The following RPS6KA2 variants were observed in gnomAD, a reference collection of about 807,000 sequenced individuals.
The protein encoded by RPS6KA2 is ribosomal protein S6 kinase A2, also known as ribosomal protein S6 kinase alpha-2.
Under a neutral mutation model 91.8 loss-of-function variants are expected in RPS6KA2, and 42 were observed. The observed-to-expected ratio is 0.46, with a 90% CI of 0.36 to 0.59. The LOEUF (loss-of-function observed/expected upper bound fraction) is 0.59, where lower values mean the gene tolerates loss of function less well. Among genes scored for constraint, RPS6KA2 ranks in the 20% least tolerant of loss-of-function variants. The pLI, the probability that RPS6KA2 is intolerant of heterozygous loss-of-function variation, is 0.00. For synonymous variants in RPS6KA2, 414 were observed against 393.6 expected, an observed-to-expected ratio of 1.05 and a Z score of -0.61; for missense variants, 798 against 978.5, an observed-to-expected ratio of 0.82 and a Z score of 2.46.
At chr6:166,687,437 G>C (rs141008186) in intron 2 of RPS6KA2, among the ~76,000 whole-genome samples, 1 of 152,352 alleles carries the variant, frequency 6.6e-6, no homozygotes, top group Non-Finnish European at 1.5e-5. Flanking sequence ...CTGCCTGTGA[G>C]CGTGGCCTTG....
In RPS6KA2 at chr6:166,430,516, C is replaced by T. The variant is rs1159796495; in HGVS notation, c.1518G>A (p.Glu506=). The change falls in exon 16 of 21, where the codon GAG becomes GAA. Residue 506 remains glutamate, a synonymous_variant. Coordinates refer to ENST00000265678, the MANE Select transcript of RPS6KA2 (RefSeq NM_021135.6). ...DRILRQRYFS[E]REASDVLCTI... is the part of the protein sequence containing the mutation. Reference sequence around the variant, plus strand: ...TGCACAGGACGTCACTGGCTTCGCGCTCCGAGAAGTATCTCTGCCGGAGGA... The same window carrying T: ...TGCACAGGACGTCACTGGCTTCGCGTTCCGAGAAGTATCTCTGCCGGAGGA... 1 of 1,614,168 alleles carries T rather than the reference C, an allele frequency of 6.2e-7. No homozygotes were observed. The highest frequency in any genetic ancestry group is 1.7e-5 in the Admixed American group (1 of 60,024).
Position 166,626,778 on chromosome 6 carries a change from G to C in RPS6KA2, c.99+143C>G. 1 of 665,438 alleles carries C rather than the reference G, an allele frequency of 1.5e-6. No homozygotes were observed. Among genetic ancestry groups the C allele is most frequent in the Non-Finnish European group, 2.2e-6 (1 of 462,012 alleles). The allele number at this position is 665,438 out of a possible 1,614,324, so 41.2% of individuals were successfully genotyped here. On this transcript the variant is annotated intron_variant, in intron 1 of 20. Transcript: ENST00000265678. This position sits in a 1 kb window ranked among gnomAD's most constrained non-coding sequence, Gnocchi z 4.1. ...GATAACGTTTGGAGCCGTTTGGTTCGATTTTCGGAACCGGACCAGCTTTCC... is the reference window on the plus strand; with the variant it reads ...GATAACGTTTGGAGCCGTTTGGTTCCATTTTCGGAACCGGACCAGCTTTCC...
intron 2 of RPS6KA2, among the ~76,000 whole-genome samples, chr6:166,698,799 G>T (rs1789426940): frequency 6.6e-6 from 1 of 152,224 alleles, no homozygotes; most frequent in African/African-American, 2.4e-5. Flanking sequence ...CATCTGCACT[G>T]TGGCTTTTTA....
At chr6:166,552,848 A>G (rs1207826003) in intron 1 of RPS6KA2, among the ~76,000 whole-genome samples, 1 of 152,232 alleles carries the variant, frequency 6.6e-6, no homozygotes, top group Non-Finnish European at 1.5e-5. Context: ...GTGGCATAGC[A>G]GGGATGGGCC....
intron 1 of RPS6KA2, among the ~76,000 whole-genome samples, chr6:166,561,078 G>A (rs898165636): frequency 2.0e-5 from 3 of 152,072 alleles, no homozygotes; most frequent in Non-Finnish European, 2.9e-5. Flanking sequence ...AAAAAACTCA[G>A]GGCTGTTTCC....
At chr6:166,773,187 G>A (rs940528057) in intron 2 of RPS6KA2, among the ~76,000 whole-genome samples, 6 of 152,068 alleles carry the variant, frequency 3.9e-5, no homozygotes, top group South Asian at 4.1e-4. Flanking sequence ...CTCCCCTTAC[G>A]GATCCCATCT....
intron 1 of RPS6KA2, among the ~76,000 whole-genome samples, chr6:166,596,076 T>G (rs572231769): frequency 1.3e-5 from 2 of 152,228 alleles, no homozygotes; most frequent in African/African-American, 4.8e-5. Context: ...AATATGTGAC[T>G]TGCACTGTGA....
intron 2 of RPS6KA2, among the ~76,000 whole-genome samples, chr6:166,647,978 GCTCACACACACGCAC>G (rs1787694943): frequency 1.4e-5 from 1 of 72,698 alleles, no homozygotes; most frequent in African/African-American, 6.8e-5. Flanking sequence ...ATACACACAT[GCTCACACACACGCAC>G]ATGCTCACAC....
chr6:166,783,890 C>T (rs1778852584), intron 2 of RPS6KA2, among the ~76,000 whole-genome samples: 2 of 87,318 alleles, frequency 2.3e-5, no homozygotes, highest in Non-Finnish European at 4.6e-5. Context: ...ACCACATATG[C>T]ACACGTGCAC....
At position 166,501,691 on chromosome 6, in the gene RPS6KA2, G is replaced by A. The variant is rs116697779; in HGVS notation, c.567-767C>T. Among the ~76,000 whole-genome samples the A allele has an allele frequency of 6.4e-3, 980 of 152,314 alleles. 13 individuals are homozygous for A. Among genetic ancestry groups the A allele is most frequent in the African/African-American group, 0.023 (944 of 41,574 alleles). On this transcript the variant is annotated intron_variant, in intron 6 of 20. Coordinates refer to ENST00000265678, the MANE Select transcript of RPS6KA2 (RefSeq NM_021135.6). ...ATCCCTTCTTCCCTGAACATCAGGC[G>A]GGAGTCTGGGCTGTGATACCTTGAC...
chr6:166,738,190 T>A (rs981246319), intron 2 of RPS6KA2, among the ~76,000 whole-genome samples: 5 of 152,230 alleles, frequency 3.3e-5, no homozygotes, highest in African/African-American at 1.2e-4. Context: ...TTATCTCCAG[T>A]TCATTATTAT....
intron 2 of RPS6KA2, among the ~76,000 whole-genome samples, chr6:166,742,563 G>A (rs916823434): frequency 2.6e-5 from 4 of 152,160 alleles, no homozygotes; most frequent in Non-Finnish European, 4.4e-5. Context: ...AGCTCTCCCT[G>A]CGGTGGCCAC....
At chr6:166,824,340 C>A (rs1435244126) in intron 2 of RPS6KA2, among the ~76,000 whole-genome samples, 1 of 152,206 alleles carries the variant, frequency 6.6e-6, no homozygotes, top group Non-Finnish European at 1.5e-5. Flanking sequence ...CCGTGTGGGG[C>A]GACTCTCCAG....
At position 166,639,547 on chromosome 6, in the gene RPS6KA2, G is replaced by A. The variant is rs1410154315; in HGVS notation, c.124-100763C>T. ...AGCTCCAGAGCTTGGAAGCTTGGAA[G>A]CCCCAGACTCTGTTCTTCCTAGCCA... On this transcript the variant is annotated intron_variant, in intron 2 of 21. Transcript: ENST00000503859. This position sits in a 1 kb window ranked among gnomAD's most constrained non-coding sequence, Gnocchi z 4.2. Among the ~76,000 whole-genome samples, 1 of 152,170 alleles carries A rather than the reference G, an allele frequency of 6.6e-6. No homozygotes were observed. The highest frequency in any genetic ancestry group is 2.4e-5 in the African/African-American group (1 of 41,428).
At chr6:166,853,250 G>C (rs1780794859) in intron 2 of RPS6KA2, among the ~76,000 whole-genome samples, 1 of 152,186 alleles carries the variant, frequency 6.6e-6, no homozygotes, top group African/African-American at 2.4e-5. Context: ...ACCAGCCTAG[G>C]CAATATAGTG....
At chr6:166,474,114 G>A (rs1780873236) in intron 10 of RPS6KA2, among the ~76,000 whole-genome samples, 1 of 152,066 alleles carries the variant, frequency 6.6e-6, no homozygotes. Flanking sequence ...CCTGGGCATG[G>A]GTCTCTAGCG....
At chr6:166,625,054 G>T (rs562903367) in intron 1 of RPS6KA2, among the ~76,000 whole-genome samples, 1 of 151,954 alleles carries the variant, frequency 6.6e-6, no homozygotes, top group Admixed American at 6.6e-5. Context: ...GAATGGTCTC[G>T]ATCTCCTGAC....
chr6:166,767,520 G>A lies in RPS6KA2; in HGVS notation c.123+90680C>T, dbSNP rs1480419477. ...TGTGACTCAGCTGAGGGCTGCTGCT[G>A]TCACCCAGGAGCCCTTCAGACTGCG... On this transcript the variant is annotated intron_variant, in intron 2 of 21. Coordinates refer to the RPS6KA2 transcript ENST00000503859. This position sits in a 1 kb window ranked among gnomAD's most constrained non-coding sequence, Gnocchi z 4.6. Among the ~76,000 whole-genome samples, 2 of 152,130 alleles carry A rather than the reference G, an allele frequency of 1.3e-5. No homozygotes were observed. Among genetic ancestry groups the A allele is most frequent in the East Asian group, 1.9e-4 (1 of 5,180 alleles).
In RPS6KA2 at chr6:166,821,130, T is replaced by C. The variant is rs1032584122; in HGVS notation, c.123+37070A>G. Among the ~76,000 whole-genome samples the C allele has an allele frequency of 1.3e-5, 2 of 152,180 alleles. No individual in the cohort carries two copies. Among genetic ancestry groups the C allele is most frequent in the Admixed American group, 6.5e-5 (1 of 15,282 alleles). ...ACACGCTAGGCACAGAGTGAGCACA[T>C]AGGAATTATAAGTATTAATTAGGAT... On this transcript the variant is annotated intron_variant, in intron 2 of 21. Transcript: ENST00000503859. The surrounding 1 kb of genome is among the most constrained non-coding windows in gnomAD (Gnocchi z 4.1).
Sources: allele counts gnomAD v4.1 joint callset (sites outside exome capture counted in the v4.1 genomes callset), GRCh38; gene constraint gnomAD v4.1.1; non-coding constraint Gnocchi (gnomAD v3.1); transcripts MANE v1.5; gene names NCBI Gene and HGNC (gene_info 2026-07-23, HGNC 2026-07-21).